Variants in OTOGL observed in about 807,000 individuals in gnomAD.
The protein encoded by OTOGL is otogelin like, also known as otogelin-like protein.
Under a neutral mutation model 318.5 loss-of-function variants are expected in OTOGL, and 285 were observed. The observed-to-expected ratio is 0.89, with a 90% CI of 0.81 to 0.99. The LOEUF (loss-of-function observed/expected upper bound fraction) is 0.99, where lower values mean the gene tolerates loss of function less well. Ranked by LOEUF, OTOGL falls within the 50% of genes least tolerant of loss-of-function variation. The pLI, the probability that OTOGL is intolerant of heterozygous loss-of-function variation, is 0.00. For missense variants in OTOGL, 2,899 were observed against 2,845.6 expected, an observed-to-expected ratio of 1.02 and a Z score of -0.43; for synonymous variants, 987 against 936.5, an observed-to-expected ratio of 1.05 and a Z score of -0.99.
At position 80,339,261 on chromosome 12, in the gene OTOGL, T is replaced by C. The variant is rs753044627; in HGVS notation, c.5047T>C (p.Cys1683Arg). The C allele has an allele frequency of 6.3e-7, 1 of 1,575,810 alleles. No individual in the cohort carries two copies. The highest frequency in any genetic ancestry group is 1.7e-5 in the Admixed American group (1 of 58,242). The change falls in exon 43 of 59, where the codon TGT becomes CGT. Residue 1683 changes from cysteine to arginine, a missense_variant. Physicochemically the swap from Cys to Arg is radical, Grantham distance 180. Around this residue, in one of 3 missense-constraint regions of OTOGL, gnomAD observed 2,607 missense variants for 2,524.9 expected, o/e 1.03. Coordinates refer to ENST00000547103, the MANE Select transcript of OTOGL (RefSeq NM_001378609.3). ...FNLSSYTEGLCGICNEDPDDD... is the reference protein window; with the variant it reads ...FNLSSYTEGLRGICNEDPDDD... ...CTTGTCATCCTACACAGAAGGACTC[T>C]GTGGTGAGCGCTGCCCTTCAAATCT...
intron 1 of OTOGL, among the ~76,000 whole-genome samples, chr12:80,115,337 T>C (rs928248365): frequency 1.5e-4 from 23 of 150,962 alleles, no homozygotes; most frequent in Admixed American, 1.1e-3. Flanking sequence ...AATTTTTCCT[T>C]CTAACAGTCA....
chr12:80,301,214 A>G (rs543468941), intron 27 of OTOGL, among the ~76,000 whole-genome samples: 3 of 152,280 alleles, frequency 2.0e-5, no homozygotes, highest in Non-Finnish European at 2.9e-5. Context: ...TTTGATGTTA[A>G]CTGTGCATTT....
intron 26 of OTOGL, among the ~76,000 whole-genome samples, chr12:80,279,386 A>G (rs962650978): frequency 1.3e-5 from 2 of 151,444 alleles, no homozygotes; most frequent in African/African-American, 4.8e-5. Context: ...AAAGAATTTC[A>G]TCATGCAGGT....
chr12:80,333,247 AT>A (rs1304236504), intron 38 of OTOGL, among the ~76,000 whole-genome samples, 169 bp downstream of exon 38: 1 of 151,968 alleles, frequency 6.6e-6, no homozygotes, highest in Non-Finnish European at 1.5e-5. Flanking sequence ...TGTAACTGAT[AT>A]TTCTTATTAA....
At chr12:80,234,067 T>C (rs2137409883) in intron 9 of OTOGL, among the ~76,000 whole-genome samples, 1 of 152,232 alleles carries the variant, frequency 6.6e-6, no homozygotes, top group Admixed American at 6.5e-5. Context: ...TTTCTTTTCT[T>C]CTGTTCAAGA....
At chr12:80,337,448 T>C (rs1039594873) in intron 42 of OTOGL, among the ~76,000 whole-genome samples, 4 of 152,076 alleles carry the variant, frequency 2.6e-5, no homozygotes, top group African/African-American at 9.7e-5. Context: ...ATTAAGTTTT[T>C]GGTGAATAAA....
chr12:80,147,412 C>G (rs942412423), intron 1 of OTOGL, among the ~76,000 whole-genome samples: 2 of 150,672 alleles, frequency 1.3e-5, no homozygotes, highest in Non-Finnish European at 2.9e-5. Context: ...GCACTGTGGT[C>G]TGAGAGACAG....
rs765302099 is a variant in OTOGL at position 80,328,741 on chromosome 12, G to C, written c.4276G>C (p.Asp1426His). Residue 1426 changes from aspartate (D) to histidine (H), a missense_variant, in exon 36 of 59, where the codon GAC becomes CAC. Physicochemically the swap from Asp to His is moderately conservative, Grantham distance 81 (BLOSUM62 -1). Transcript: ENST00000547103. The stretch of plus-strand genomic sequence containing the variant: ...CACCCTCAAGTGTGTTTATCCACGA[G>C]ACTGTAAGTGTGAACGTTGCTTAAT... The part of the protein sequence containing the change: ...EVTLKCVYPR[D>H]CIPVIPTEPT... 1.3e-6 allele frequency: 2 copies of C among 1,590,836 alleles called. No homozygotes were observed. The highest frequency in any genetic ancestry group is 1.7e-6 in the Non-Finnish European group (2 of 1,159,494).
chr12:80,374,453 T>C (rs1891070418), intron 57 of OTOGL, among the ~76,000 whole-genome samples: 1 of 152,162 alleles, frequency 6.6e-6, no homozygotes, highest in African/African-American at 2.4e-5. Context: ...TAATATAACC[T>C]ATATATTTTT....
chr12:80,331,625 C>T (rs1294416061), intron 37 of OTOGL, among the ~76,000 whole-genome samples: 1 of 152,062 alleles, frequency 6.6e-6, no homozygotes, highest in Non-Finnish European at 1.5e-5. Context: ...CAGATGACAG[C>T]CACCGTGCCC....
At chr12:80,365,214 G>C (rs1890457000) in intron 52 of OTOGL, among the ~76,000 whole-genome samples, 1 of 152,082 alleles carries the variant, frequency 6.6e-6, no homozygotes, top group African/African-American at 2.4e-5. Flanking sequence ...AATGTTCATA[G>C]CAGCACTCTT....
rs555269312 is a variant in OTOGL at position 80,226,079 on chromosome 12, G to A, written c.490-3178G>A. Among the ~76,000 whole-genome samples the A allele has an allele frequency of 2.6e-5, 4 of 151,462 alleles. No individual in the cohort carries two copies. The South Asian group carries it at 6.3e-4, about 24-fold the overall frequency. ...GTTTTTATCTTACACATCAAAATATGCCATTATCTCTTTATTTTTCAAAGT... is the reference window on the plus strand; with the variant it reads ...GTTTTTATCTTACACATCAAAATATACCATTATCTCTTTATTTTTCAAAGT... On this transcript the variant is annotated intron_variant, in intron 7 of 58. Transcript: ENST00000547103.
At chr12:80,212,655 T>G (rs543373601) in intron 4 of OTOGL, among the ~76,000 whole-genome samples, 1 of 152,178 alleles carries the variant, frequency 6.6e-6, no homozygotes, top group Non-Finnish European at 1.5e-5. Context: ...GAATCCTAAC[T>G]TAGTAAAGGC....
intron 38 of OTOGL, among the ~76,000 whole-genome samples, chr12:80,335,602 A>T: frequency 6.6e-6 from 1 of 152,230 alleles, no homozygotes; most frequent in South Asian, 2.1e-4. Context: ...ATTATGACAC[A>T]TGAAGTTATA....
chr12:80,267,200 A>T, intron 21 of OTOGL, 53 bp from the exon 22 acceptor site: 1 of 1,179,542 alleles, frequency 8.5e-7, no homozygotes, highest in Non-Finnish European at 1.2e-6. Flanking sequence ...CTTGAATTTT[A>T]GTGGTTTTTG....
chr12:80,304,839 C>T (rs1448891056), intron 28 of OTOGL, among the ~76,000 whole-genome samples: 1 of 152,128 alleles, frequency 6.6e-6, no homozygotes, highest in Non-Finnish European at 1.5e-5. Context: ...TGAATTTAGA[C>T]ATGCTGAATG....
intron 26 of OTOGL, among the ~76,000 whole-genome samples, chr12:80,281,359 G>A (rs1216427915): frequency 1.3e-5 from 2 of 151,644 alleles, no homozygotes; most frequent in Non-Finnish European, 2.9e-5. Context: ...AATATTTTGA[G>A]GTATGTTCCT....
chr12:80,298,627 T>A (rs1303352249), intron 27 of OTOGL, among the ~76,000 whole-genome samples: 1 of 151,972 alleles, frequency 6.6e-6, no homozygotes, highest in Non-Finnish European at 1.5e-5. Flanking sequence ...GGGAGTAGGG[T>A]GGCAATCAGT....
chr12:80,148,414 G>A (rs1344689296), intron 1 of OTOGL, among the ~76,000 whole-genome samples: 3 of 149,582 alleles, frequency 2.0e-5, no homozygotes, highest in Non-Finnish European at 1.5e-5. Context: ...GGTTTCTGCC[G>A]AGAGATCCGC....
Sources: allele counts gnomAD v4.1 joint callset (sites outside exome capture counted in the v4.1 genomes callset), GRCh38; gene constraint gnomAD v4.1.1; regional missense constraint gnomAD v4.1.1; transcripts MANE v1.5; gene names NCBI Gene and HGNC (gene_info 2026-07-23, HGNC 2026-07-21).